The following CCDC83 variants were observed in gnomAD, a reference collection of about 807,000 sequenced individuals.
CCDC83 encodes coiled-coil domain-containing protein 83.
A neutral mutation model predicts 50.1 loss-of-function variants in CCDC83; 54 were observed. That is an observed-to-expected ratio of 1.08 (90% CI 0.87 to 1.35). CCDC83 has a LOEUF of 1.35. Among genes scored for constraint, CCDC83 ranks in the 40% most tolerant of loss-of-function variants. The probability of loss-of-function intolerance (pLI) is 0.00; values close to 1 mark genes in which losing one functional copy is unlikely to be tolerated. For missense variants in CCDC83, 518 were observed against 473.9 expected, an observed-to-expected ratio of 1.09 and a Z score of -0.86; for synonymous variants, 161 against 153.3, an observed-to-expected ratio of 1.05 and a Z score of -0.37.
rs551621374 is a variant in CCDC83 at position 85,887,655 on chromosome 11, T to C, written c.511+1288T>C. ...TCTTATTTAGCAGTCAGAAATATTCTATGCATATATATATATATATATCAC... is the reference window on the plus strand; with the variant it reads ...TCTTATTTAGCAGTCAGAAATATTCCATGCATATATATATATATATATCAC... On this transcript the variant is annotated intron_variant, in intron 5 of 10. Transcript: ENST00000342404. Among the ~76,000 whole-genome samples the C allele has an allele frequency of 2.8e-5, 4 of 143,058 alleles. No individual in the cohort carries two copies. In the East Asian group the frequency reaches 5.9e-4, roughly 21 times the overall value. The allele number at this position is 143,058 out of a possible 152,430, so 93.9% of individuals were successfully genotyped here.
At chr11:85,896,356 G>C (rs1219642874) in intron 6 of CCDC83, among the ~76,000 whole-genome samples, 1 of 133,906 alleles carries the variant, frequency 7.5e-6, no homozygotes, top group East Asian at 2.3e-4. Context: ...AGCCGTATTT[G>C]CGCCACTGCA....
intron 10 of CCDC83, among the ~76,000 whole-genome samples, chr11:85,917,161 A>AG (rs2093482302): frequency 6.7e-5 from 7 of 104,050 alleles, no homozygotes; most frequent in African/African-American, 2.3e-4. Flanking sequence ...AGAGAGAGAG[A>AG]GAGAGAGAAA....
intron 3 of CCDC83, among the ~76,000 whole-genome samples, chr11:85,878,140 TTA>T (rs1452879041): frequency 1.2e-4 from 18 of 152,320 alleles, no homozygotes; most frequent in African/African-American, 3.8e-4. Context: ...ATAGATTAAC[TTA>T]TAGTTATAAA....
intron 7 of CCDC83, among the ~76,000 whole-genome samples, chr11:85,900,165 G>C (rs566045247): frequency 6.6e-6 from 1 of 152,160 alleles, no homozygotes; most frequent in Non-Finnish European, 1.5e-5. Flanking sequence ...TAGATGGTGG[G>C]AATGGGAACT....
In CCDC83 at chr11:85,898,977, T is replaced by A. The variant is rs2135093748; in HGVS notation, c.634T>A (p.Tyr212Asn). Residue 212 changes from tyrosine to asparagine, a missense_variant, in exon 7 of 11, where the codon TAT becomes AAT. Transcript: ENST00000342404. ...TGTAAAGCTCATTGACAAGGGCAGT[T>A]ATCTAGAGATCTGGGAGAATGACTG... ...NAVKLIDKGS[Y>N]LEIWENDWLK... 1 of 1,612,722 alleles carries A rather than the reference T, an allele frequency of 6.2e-7. No individual in the cohort carries two copies. Among genetic ancestry groups the A allele is most frequent in the Middle Eastern group, 1.7e-4 (1 of 6,046 alleles).
At chr11:85,880,741 A>G (rs1375216396) in intron 3 of CCDC83, among the ~76,000 whole-genome samples, 1 of 152,012 alleles carries the variant, frequency 6.6e-6, no homozygotes, top group Non-Finnish European at 1.5e-5. Context: ...TCTTCTAGCT[A>G]GCATGGTTTC....
chr11:85,919,463 A>G lies in CCDC83; in HGVS notation c.1195A>G (p.Ser399Gly). 1 of 1,612,350 alleles carries G rather than the reference A, an allele frequency of 6.2e-7. No homozygotes were observed. Among genetic ancestry groups the G allele is most frequent in the Non-Finnish European group, 8.5e-7 (1 of 1,179,138 alleles). Residue 399 changes from serine (S) to glycine (G), a missense_variant, in exon 11 of 11, where the codon AGC (serine) becomes GGC (glycine). Coordinates refer to ENST00000342404, the MANE Select transcript of CCDC83 (RefSeq NM_001286159.2). ...IPVKLYKDVR[S>G]PESHITYKMM... ...AGTCAAACTCTATAAAGATGTCAGG[A>G]GCCCAGAAAGCCACATCACATATAA...
chr11:85,886,632 C>T (rs773876541), intron 5 of CCDC83, among the ~76,000 whole-genome samples: 5 of 152,174 alleles, frequency 3.3e-5, no homozygotes, highest in Non-Finnish European at 7.3e-5. Flanking sequence ...TTAAGAAAGA[C>T]GCTTCTGGCT....
chr11:85,885,198 A>G (rs2093321080), intron 4 of CCDC83, among the ~76,000 whole-genome samples: 1 of 152,016 alleles, frequency 6.6e-6, no homozygotes, highest in Non-Finnish European at 1.5e-5. Context: ...TGAGTGACAG[A>G]GCAAAACTCC....
intron 7 of CCDC83, among the ~76,000 whole-genome samples, chr11:85,903,218 G>A (rs1197350961): frequency 6.6e-6 from 1 of 152,078 alleles, no homozygotes; most frequent in East Asian, 1.9e-4. Context: ...GGGTGGCAGA[G>A]CAATCTAAAA....
chr11:85,873,253 A>G lies in CCDC83; in HGVS notation c.138A>G (p.Gln46=), dbSNP rs1423180281. 1.9e-6 allele frequency: 3 copies of G among 1,565,670 alleles called. No individual in the cohort carries two copies. The highest frequency in any genetic ancestry group is 2.6e-6 in the Non-Finnish European group (3 of 1,153,102). ...ATGCCGTGGAGCAATTCATGTTTCA[A>G]ATAAAGACACTTAGGAAAAAGAACC... The part of the protein sequence containing the change: ...KEDAVEQFMF[Q]IKTLRKKNQK... Residue 46 remains glutamine (Q), a synonymous_variant, in exon 3 of 11, where the codon CAA becomes CAG. Coordinates refer to ENST00000342404, the MANE Select transcript of CCDC83 (RefSeq NM_001286159.2).
chr11:85,869,077 C>G (rs142211655), intron 2 of CCDC83, among the ~76,000 whole-genome samples: 1 of 152,160 alleles, frequency 6.6e-6, no homozygotes, highest in Non-Finnish European at 1.5e-5. Flanking sequence ...CCTGTTGATA[C>G]AGGAAACAAA....
At chr11:85,912,424 G>A (rs908422213) in intron 8 of CCDC83, among the ~76,000 whole-genome samples, 14 of 152,192 alleles carry the variant, frequency 9.2e-5, no homozygotes, top group African/African-American at 3.4e-4. Flanking sequence ...GCTGGGTGGG[G>A]CAGGATAGAG....
intron 7 of CCDC83, among the ~76,000 whole-genome samples, chr11:85,905,140 T>C (rs1194320945): frequency 6.6e-6 from 1 of 151,484 alleles, no homozygotes; most frequent in African/African-American, 2.4e-5. Context: ...CTACTAAAAA[T>C]ACAAAAATTA....
chr11:85,879,216 T>G lies in CCDC83; in HGVS notation c.181-3297T>G, dbSNP rs1258489383. On this transcript the variant is annotated intron_variant, in intron 3 of 10. Coordinates refer to ENST00000342404, the MANE Select transcript of CCDC83 (RefSeq NM_001286159.2). The stretch of plus-strand genomic sequence containing the variant: ...CAAACTCTTTGCCTAGCCCTAAATC[T>G]CAAAGATTTTCTCCTATGTTTTATT... Among the ~76,000 whole-genome samples, 4 of 152,196 alleles carry G rather than the reference T, an allele frequency of 2.6e-5. No individual in the cohort carries two copies. The East Asian group carries it at 7.7e-4, about 29-fold the overall frequency.
At chr11:85,906,062 A>G (rs2093424546) in intron 7 of CCDC83, among the ~76,000 whole-genome samples, 1 of 151,810 alleles carries the variant, frequency 6.6e-6, no homozygotes, top group African/African-American at 2.4e-5. Flanking sequence ...AAATAACTTA[A>G]CAATTCTCTC....
chr11:85,905,969 C>CAAAAAAAA (rs760367430), intron 7 of CCDC83, among the ~76,000 whole-genome samples: 1 of 47,644 alleles, frequency 2.1e-5, no homozygotes, highest in Non-Finnish European at 4.4e-5. Context: ...GACTCCGTCT[C>CAAAAAAAA]AAAAAAAAAA....
In CCDC83 at chr11:85,909,685, T is replaced by G. The variant is rs189495957; in HGVS notation, c.673-1596T>G. On this transcript the variant is annotated intron_variant, in intron 7 of 10. Coordinates refer to ENST00000342404, the MANE Select transcript of CCDC83 (RefSeq NM_001286159.2). ...TTGCCCAGGCTGGAGTGCAGTGGCG[T>G]GATCTCAGCTCACTGTGACCTCCAC... Among the ~76,000 whole-genome samples the G allele has an allele frequency of 2.3e-4, 31 of 137,076 alleles. No homozygotes were observed. The South Asian group carries it at 3.6e-3, about 16-fold the overall frequency. 89.9% of individuals were successfully genotyped at this position (137,076 alleles called of 152,430 possible).
At chr11:85,898,878 A>G (rs2093387354) in intron 6 of CCDC83, 69 bp from the exon 7 acceptor site, 1 of 981,556 alleles carries the variant, frequency 1.0e-6, no homozygotes, top group African/African-American at 1.6e-5. Flanking sequence ...GAATAACTGC[A>G]CATCACTATT....
Sources: gnomAD v4.1 joint callset for allele counts (sites outside exome capture counted in the v4.1 genomes callset) on GRCh38, gnomAD v4.1.1 for gene constraint, MANE v1.5 for transcripts, NCBI Gene and HGNC (gene_info 2026-07-23, HGNC 2026-07-21) for gene names.